ZNF577: variants seen among roughly 807,000 people sequenced by gnomAD.
ZNF577 encodes the protein zinc finger protein 577.
Under a neutral mutation model 13.9 loss-of-function variants are expected in ZNF577, and 14 were observed. The observed-to-expected ratio is 1.00, with a 90% CI of 0.66 to 1.57. The LOEUF (loss-of-function observed/expected upper bound fraction) is 1.57. Among genes scored for constraint, ZNF577 ranks in the 40% most tolerant of loss-of-function variants. The probability of loss-of-function intolerance (pLI) is 0.00; values close to 1 mark genes in which losing one functional copy is unlikely to be tolerated. For synonymous variants in ZNF577, 203 were observed against 202.9 expected (o/e 1.00, Z 0.00); for missense variants, 555 against 579.2 (o/e 0.96, Z 0.43).
At chr19:51,850,798 G>C (rs933272250) in intron 5 of ZNF577, among the ~76,000 whole-genome samples, 6 of 152,166 alleles carry the variant, frequency 3.9e-5, no homozygotes, top group Non-Finnish European at 4.4e-5. Context: ...TTACAAAACT[G>C]TTTTGCACCA....
intron 5 of ZNF577, among the ~76,000 whole-genome samples, chr19:51,848,540 C>G (rs2084365469): frequency 6.6e-6 from 1 of 152,098 alleles, no homozygotes; most frequent in Non-Finnish European, 1.5e-5. Context: ...TCTGGACGAA[C>G]AGAGGTGGTA....
In ZNF577 at chr19:51,835,975, G is replaced by A. The variant is rs144256011; in HGVS notation, c.*599+3918C>T. Among the ~76,000 whole-genome samples, 1,490 of 152,316 alleles carry A rather than the reference G, an allele frequency of 9.8e-3. 23 individuals are homozygous for A. Among genetic ancestry groups the A allele is most frequent in the African/African-American group, 0.031 (1,301 of 41,562 alleles). ...CCCAAAGTGCTGGGATTACAGGCGT[G>A]AGCCACCGCACCCGACCTTGAAATC... On this transcript the variant is annotated intron_variant and NMD_transcript_variant, in intron 9 of 10. Coordinates refer to the ZNF577 transcript ENST00000638827.
intron 10 of ZNF577, among the ~76,000 whole-genome samples, chr19:51,811,022 C>G (rs953737613): frequency 6.7e-4 from 102 of 152,274 alleles, no homozygotes; most frequent in African/African-American, 2.4e-3. Context: ...AATTTTTATC[C>G]TCCCTCTCCT....
Position 51,857,392 on chromosome 19 carries a change from AAGAAAGAAAG to A in ZNF577, c.284-12471_284-12462del, listed in dbSNP as rs1474673843. Among the ~76,000 whole-genome samples, 58 of 121,844 alleles carry A rather than the reference AAGAAAGAAAG, an allele frequency of 4.8e-4. 4 individuals are homozygous for A. In the South Asian group the frequency reaches 0.019, roughly 39 times the overall value. 79.9% of individuals were successfully genotyped at this position (121,844 alleles called of 152,430 possible). ...AAAGAAAGAAAGAAAGAAAGAAAGA[AAGAAAGAAAG>A]AAAGAAAGAAAGAAAGAAAGAAAGA... On this transcript the variant is annotated intron_variant and NMD_transcript_variant, in intron 5 of 10. Coordinates refer to the ZNF577 transcript ENST00000638827.
chr19:51,826,673 CA>C (rs544793801), intron 9 of ZNF577, among the ~76,000 whole-genome samples: 6 of 152,192 alleles, frequency 3.9e-5, no homozygotes, highest in Non-Finnish European at 5.9e-5. Context: ...TTGCAGTAAA[CA>C]TGATGCTGGC....
chr19:51,830,742 C>T (rs761566448), intron 9 of ZNF577, among the ~76,000 whole-genome samples: 1 of 152,126 alleles, frequency 6.6e-6, no homozygotes, highest in Non-Finnish European at 1.5e-5. Flanking sequence ...CCTTGACTGG[C>T]TCTTTTCTGA....
chr19:51,845,322 G>C (rs531735191), intron 5 of ZNF577, among the ~76,000 whole-genome samples: 14 of 151,780 alleles, frequency 9.2e-5, no homozygotes, highest in African/African-American at 3.1e-4. Context: ...GGAGAAACCC[G>C]GTCACTACTA....
intron 9 of ZNF577, among the ~76,000 whole-genome samples, chr19:51,831,850 TGTCTC>T (rs2084262621): frequency 6.6e-6 from 1 of 152,234 alleles, no homozygotes; most frequent in African/African-American, 2.4e-5. Flanking sequence ...AAATCATTCT[TGTCTC>T]AGAATCTTTG....
intron 9 of ZNF577, among the ~76,000 whole-genome samples, chr19:51,826,657 G>A (rs2084233631): frequency 6.6e-6 from 1 of 152,208 alleles, no homozygotes; most frequent in Non-Finnish European, 1.5e-5. Context: ...AAAGAAAGAT[G>A]CAGTATTGCA....
chr19:51,847,192 G>A (rs1443566377), intron 5 of ZNF577, among the ~76,000 whole-genome samples: 3 of 152,032 alleles, frequency 2.0e-5, no homozygotes, highest in Non-Finnish European at 4.4e-5. Context: ...CATGAATTTT[G>A]GTTGTACAGG....
chr19:51,878,618 C>A, intron 3 of ZNF577, 103 bp from the exon 4 acceptor site: 1 of 1,399,290 alleles, frequency 7.1e-7, no homozygotes, highest in East Asian at 2.3e-5. Context: ...ACAACGTATG[C>A]ACACCATGGC....
chr19:51,838,768 T>G (rs986953596), intron 9 of ZNF577, among the ~76,000 whole-genome samples: 1 of 151,884 alleles, frequency 6.6e-6, no homozygotes, highest in Non-Finnish European at 1.5e-5. Flanking sequence ...AAGTTTGGTA[T>G]AGATGGTAAA....
At position 51,872,362 on chromosome 19, in the gene ZNF577, G is replaced by C; in HGVS notation, c.*170C>G. The C allele has an allele frequency of 1.8e-6, 1 of 567,068 alleles. No homozygotes were observed. Among genetic ancestry groups the C allele is most frequent in the South Asian group, 2.5e-5 (1 of 39,260 alleles). The allele number at this position is 567,068 out of a possible 1,614,324, so 35.1% of individuals were successfully genotyped here. ...AGGTAAAGACTTCCTCATAACAGCT[G>C]CATTTCTACCCAACATGATTTCAAT... On this transcript the variant is annotated 3_prime_UTR_variant, in exon 6 of 6. Transcript: ENST00000638348.
chr19:51,857,555 C>T (rs1403672615), intron 5 of ZNF577, among the ~76,000 whole-genome samples: 2 of 152,112 alleles, frequency 1.3e-5, no homozygotes, highest in Admixed American at 1.3e-4. Flanking sequence ...AGGGCCTCTA[C>T]ATGTTTAAGA....
chr19:51,838,458 G>T (rs1383547008), intron 9 of ZNF577, among the ~76,000 whole-genome samples: 3 of 151,054 alleles, frequency 2.0e-5, no homozygotes, highest in African/African-American at 7.3e-5. Context: ...ATTATTCGTT[G>T]TGCACATGTA....
chr19:51,873,028 G>A lies in ZNF577; in HGVS notation c.962C>T (p.Thr321Met), dbSNP rs774175723. Residue 321 changes from threonine to methionine, a missense_variant, in exon 6 of 6, where the codon ACG becomes ATG. Thr to Met is a moderately conservative substitution (Grantham distance 81). Transcript: ENST00000638348. ...SDLTRHQRIH[T>M]GEKPYECSEC... ...ACTACATTCATAAGGTTTCTCTCCC[G>A]TATGAATCCTCTGATGTCTGGTCAG... is the stretch of plus-strand genomic sequence containing the variant. 2.4e-5 allele frequency: 39 copies of A among 1,613,998 alleles called. No individual in the cohort carries two copies. The East Asian group carries it at 2.5e-4, about 10-fold the overall frequency.
intron 5 of ZNF577, among the ~76,000 whole-genome samples, chr19:51,857,995 G>A (rs896098204): frequency 6.6e-6 from 1 of 151,980 alleles, no homozygotes; most frequent in Admixed American, 6.6e-5. Flanking sequence ...TTTAGTCTTT[G>A]AGCTTTACAG....
intron 3 of ZNF577, among the ~76,000 whole-genome samples, chr19:51,879,115 G>A (rs990224034): frequency 5.9e-5 from 9 of 152,084 alleles, no homozygotes; most frequent in Non-Finnish European, 4.4e-5. Context: ...AAATTAGCTG[G>A]GCATGGTGGT....
At chr19:51,823,005 G>A (rs2084201914) in intron 9 of ZNF577, among the ~76,000 whole-genome samples, 1 of 152,056 alleles carries the variant, frequency 6.6e-6, no homozygotes, top group Non-Finnish European at 1.5e-5. Flanking sequence ...TGGAGTTACA[G>A]GCTCTTGCCA....
Sources: gnomAD v4.1 joint callset for allele counts (sites outside exome capture counted in the v4.1 genomes callset) on GRCh38, gnomAD v4.1.1 for gene constraint, MANE v1.5 for transcripts, NCBI Gene and HGNC (gene_info 2026-07-23, HGNC 2026-07-21) for gene names.